Variants in PRTG observed in about 807,000 individuals in gnomAD.
PRTG encodes immunoglobulin superfamily, DCC subclass, member 5.
In PRTG, 67 loss-of-function variants were observed where a neutral mutation model predicts 122.5. That is an observed-to-expected ratio of 0.55 (90% CI 0.45 to 0.67). PRTG has a LOEUF of 0.67. Ranked by LOEUF, PRTG falls within the 30% of genes least tolerant of loss-of-function variation. PRTG has a pLI of 0.00. For missense variants in PRTG, 1,435 were observed against 1,415.4 expected, an observed-to-expected ratio of 1.01 and a Z score of -0.22; for synonymous variants, 554 against 501.1, an observed-to-expected ratio of 1.11 and a Z score of -1.41.
intron 11 of PRTG, among the ~76,000 whole-genome samples, chr15:55,646,588 C>T (rs2141748293): frequency 6.6e-6 from 1 of 152,290 alleles, no homozygotes; most frequent in Non-Finnish European, 1.5e-5. Context: ...TCCCAAAGTG[C>T]TGGGATTACA....
chr15:55,726,897 G>A (rs1160127275), intron 2 of PRTG, among the ~76,000 whole-genome samples: 2 of 150,160 alleles, frequency 1.3e-5, no homozygotes, highest in East Asian at 2.0e-4. Flanking sequence ...GCAGTGAGCC[G>A]AGATCACGCC....
chr15:55,622,838 T>C (rs2059174473), intron 18 of PRTG, among the ~76,000 whole-genome samples: 5 of 152,192 alleles, frequency 3.3e-5, no homozygotes, highest in African/African-American at 2.4e-5. Context: ...ACTTGGCCTG[T>C]ATCAGTACTT....
At chr15:55,629,074 C>A in intron 15 of PRTG, 70 bp from the exon 16 acceptor site, 1 of 995,036 alleles carries the variant, frequency 1.0e-6, no homozygotes, top group Non-Finnish European at 1.4e-6. Flanking sequence ...TATACAAACA[C>A]GTTCCTTTAT....
chr15:55,675,479 A>C (rs535372525), intron 9 of PRTG, 40 bp downstream of exon 9: 1 of 1,402,498 alleles, frequency 7.1e-7, no homozygotes, highest in African/African-American at 1.4e-5. Context: ...AAAACATACG[A>C]ATGTTCATAC....
At chr15:55,646,456 A>G (rs62017991) in intron 11 of PRTG, among the ~76,000 whole-genome samples, 1,949 of 151,766 alleles carry the variant, frequency 0.013, 43 homozygotes, top group African/African-American at 0.041. Flanking sequence ...CCAAGTAGCT[A>G]GGACTACAGG....
chr15:55,737,013 T>A (rs2031432958), intron 2 of PRTG, among the ~76,000 whole-genome samples: 1 of 152,232 alleles, frequency 6.6e-6, no homozygotes, highest in Non-Finnish European at 1.5e-5. Context: ...CTACGAAATT[T>A]ATCTTACCTA....
intron 12 of PRTG, among the ~76,000 whole-genome samples, chr15:55,640,243 G>A (rs2059282100): frequency 6.6e-6 from 1 of 152,148 alleles, no homozygotes; most frequent in African/African-American, 2.4e-5. Flanking sequence ...GTAACACAAT[G>A]GTATTTGTGT....
rs558112036 is a variant in PRTG, at chr15:55,682,355, GC to G, written c.676+8del. 1,216 of 1,576,904 alleles carry G rather than the reference GC, an allele frequency of 7.7e-4. 7 individuals are homozygous for G. Among genetic ancestry groups the G allele is most frequent in the Middle Eastern group, 7.7e-3 (45 of 5,880 alleles). ...GTCATAAAAATGGAAAAACCACTCT[GC>G]GTGGTACCTGGAATCACAGTTAGCG... On this transcript the variant is annotated splice_region_variant and intron_variant, in intron 4 of 19. Transcript: ENST00000389286.
chr15:55,709,342 T>C, intron 2 of PRTG, among the ~76,000 whole-genome samples: 1 of 147,114 alleles, frequency 6.8e-6, no homozygotes, highest in East Asian at 2.0e-4. Context: ...AAAGTTTATA[T>C]ATATATTATA....
At position 55,683,916 on chromosome 15, in the gene PRTG, T is replaced by G. The variant is rs766716376; in HGVS notation, c.413A>C (p.Glu138Ala). ...HLALSTISAF[E>A]VQPISTEVHE... ...GACCTCAGTGGAAATTGGCTGGACT[T>G]CAAATGCAGAAATAGCTATAAGATA... The change falls in exon 3 of 20, where the codon GAA (glutamate) becomes GCA (alanine). Residue 138 changes from glutamate to alanine, a missense_variant. Transcript: ENST00000389286. 6.2e-7 allele frequency: 1 copy of G among 1,613,286 alleles called. No homozygotes were observed. The highest frequency in any genetic ancestry group is 1.7e-5 in the Admixed American group (1 of 59,858).
chr15:55,692,170 G>A (rs909102518), intron 2 of PRTG, among the ~76,000 whole-genome samples: 3 of 151,984 alleles, frequency 2.0e-5, no homozygotes, highest in Non-Finnish European at 4.4e-5. Context: ...TACCTAATAG[G>A]AATATCAGTT....
At chr15:55,701,040 T>A (rs1042720941) in intron 2 of PRTG, among the ~76,000 whole-genome samples, 1 of 152,190 alleles carries the variant, frequency 6.6e-6, no homozygotes, top group African/African-American at 2.4e-5. Flanking sequence ...CTCATACTTA[T>A]AGAGAAATGC....
chr15:55,727,358 T>C (rs1284694494), intron 2 of PRTG, among the ~76,000 whole-genome samples: 2 of 151,806 alleles, frequency 1.3e-5, no homozygotes, highest in African/African-American at 4.8e-5. Context: ...AAAAAGATGA[T>C]AAGAAAATAC....
chr15:55,632,551 C>T (rs2059233630), intron 15 of PRTG, among the ~76,000 whole-genome samples: 1 of 152,160 alleles, frequency 6.6e-6, no homozygotes, highest in South Asian at 2.1e-4. Context: ...AGTTACCTCC[C>T]TACTTCATTT....
At chr15:55,626,875 G>A (rs1278128474) in intron 17 of PRTG, 133 bp downstream of exon 17, 4 of 647,526 alleles carry the variant, frequency 6.2e-6, no homozygotes, top group Non-Finnish European at 9.6e-6. Flanking sequence ...AGAACTCAGG[G>A]AACAATACTG....
At chr15:55,699,461 C>T (rs536551968) in intron 2 of PRTG, among the ~76,000 whole-genome samples, 1 of 152,230 alleles carries the variant, frequency 6.6e-6, no homozygotes, top group South Asian at 2.1e-4. Context: ...TAAATGTCCA[C>T]CAAAATAAAA....
intron 2 of PRTG, among the ~76,000 whole-genome samples, chr15:55,708,565 A>T (rs1411255146): frequency 1.3e-5 from 2 of 152,084 alleles, no homozygotes; most frequent in Admixed American, 1.3e-4. Context: ...CCGAGATCAC[A>T]CCACTGCACT....
At chr15:55,653,638 A>G (rs1595622230) in intron 11 of PRTG, among the ~76,000 whole-genome samples, 1 of 152,088 alleles carries the variant, frequency 6.6e-6, no homozygotes, top group African/African-American at 2.4e-5. Flanking sequence ...TAATTTTTGT[A>G]CTTTTAGTAG....
At chr15:55,707,583 AC>A (rs2030182612) in intron 2 of PRTG, among the ~76,000 whole-genome samples, 1 of 152,224 alleles carries the variant, frequency 6.6e-6, no homozygotes, top group African/African-American at 2.4e-5. Flanking sequence ...ATTCTGGACA[AC>A]AGCCATATAG....
Sources: gnomAD v4.1 joint callset for allele counts (sites outside exome capture counted in the v4.1 genomes callset) on GRCh38, gnomAD v4.1.1 for gene constraint, MANE v1.5 for transcripts, NCBI Gene and HGNC (gene_info 2026-07-23, HGNC 2026-07-21) for gene names.